Variants in DPY19L4 observed in about 807,000 individuals in gnomAD.
DPY19L4 encodes the protein dpy-19 like 4.
In DPY19L4, 97 loss-of-function variants were observed where a neutral mutation model predicts 102.8. The ratio of observed to expected loss-of-function variants is 0.94; its 90% CI spans 0.80 to 1.12. The LOEUF (loss-of-function observed/expected upper bound fraction) is 1.12. Among genes scored for constraint, DPY19L4 ranks in the 50% most tolerant of loss-of-function variants. DPY19L4 has a pLI of 0.00. For missense variants in DPY19L4, 815 were observed against 850.4 expected, an observed-to-expected ratio of 0.96 and a Z score of 0.52; for synonymous variants, 252 against 283.1, an observed-to-expected ratio of 0.89 and a Z score of 1.10.
intron 17 of DPY19L4, among the ~76,000 whole-genome samples, chr8:94,786,405 G>GT: frequency 6.6e-6 from 1 of 151,104 alleles, no homozygotes; most frequent in Middle Eastern, 3.4e-3. Flanking sequence ...GATTACAGGA[G>GT]TGAGCTACCA....
chr8:94,784,584 A>G (rs1223834555), intron 17 of DPY19L4, among the ~76,000 whole-genome samples: 1 of 152,116 alleles, frequency 6.6e-6, no homozygotes, highest in African/African-American at 2.4e-5. Flanking sequence ...ACCAGCCACC[A>G]TGACCAGTTA....
At chr8:94,775,508 G>T (rs1813138820) in intron 13 of DPY19L4, among the ~76,000 whole-genome samples, 2 of 152,264 alleles carry the variant, frequency 1.3e-5, no homozygotes, top group Admixed American at 1.3e-4. Context: ...AAATTCTTTT[G>T]TAGAGACAGG....
intron 6 of DPY19L4, among the ~76,000 whole-genome samples, chr8:94,745,327 G>A (rs1811625219): frequency 8.1e-6 from 1 of 122,704 alleles, no homozygotes; most frequent in Non-Finnish European, 1.6e-5. Flanking sequence ...GAAGCAATGT[G>A]GAAATTGTCT....
chr8:94,785,370 C>T (rs1813610669), intron 17 of DPY19L4, among the ~76,000 whole-genome samples: 1 of 152,140 alleles, frequency 6.6e-6, no homozygotes, highest in African/African-American at 2.4e-5. Context: ...AACAATTCCG[C>T]CTACAAAAGT....
intron 2 of DPY19L4, among the ~76,000 whole-genome samples, chr8:94,732,811 CTTTT>C (rs10624368): frequency 2.3e-5 from 3 of 128,084 alleles, no homozygotes; most frequent in East Asian, 2.3e-4. Flanking sequence ...CTTTTTCTTT[CTTTT>C]TTTTTTTTTT....
In DPY19L4 at chr8:94,739,535, G is replaced by A. The variant is rs1811343804; in HGVS notation, c.465+1G>A. Reference sequence around the variant, plus strand: ...TTTATATCAAGCCACTGGTAGCAATGTATGTATTTTTCGTTGGACCCTAAT... The same window carrying A: ...TTTATATCAAGCCACTGGTAGCAATATATGTATTTTTCGTTGGACCCTAAT... On this transcript the variant is annotated splice_donor_variant, in intron 5 of 18. Coordinates refer to ENST00000414645, the MANE Select transcript of DPY19L4 (RefSeq NM_181787.3). LOFTEE classifies it high-confidence loss of function. 2 of 1,599,578 alleles carry A rather than the reference G, an allele frequency of 1.3e-6. No homozygotes were observed. The highest frequency in any genetic ancestry group is 1.7e-6 in the Non-Finnish European group (2 of 1,176,012).
rs1468064059 is a variant in DPY19L4, at chr8:94,756,041, A to G, written c.617A>G (p.Asp206Gly). 1 of 1,610,312 alleles carries G rather than the reference A, an allele frequency of 6.2e-7. No individual in the cohort carries two copies. Among genetic ancestry groups the G allele is most frequent in the African/African-American group, 1.3e-5 (1 of 74,890 alleles). The change falls in exon 7 of 19, where the codon GAT becomes GGT. Residue 206 changes from aspartate (D) to glycine (G), a missense_variant. Physicochemically the swap from Asp to Gly is moderately conservative, Grantham distance 94 (BLOSUM62 -1). Transcript: ENST00000414645. ...TCATCTGTGGTTTATTTTAGGGTAGATACAACAAGAATTGAATACTCCATT... is the reference window on the plus strand; with the variant it reads ...TCATCTGTGGTTTATTTTAGGGTAGGTACAACAAGAATTGAATACTCCATT... The part of the protein sequence containing the change: ...TVAWFVINRV[D>G]TTRIEYSIPL...
intron 11 of DPY19L4, 69 bp from the exon 12 acceptor site, chr8:94,768,326 A>G: frequency 1.3e-6 from 1 of 795,326 alleles, no homozygotes; most frequent in East Asian, 3.6e-5. Flanking sequence ...TGCTGATATT[A>G]AAAAAAATAC....
intron 6 of DPY19L4, among the ~76,000 whole-genome samples, chr8:94,741,626 T>G (rs7017015): frequency 0.17 from 25,131 of 152,196 alleles, 2,141 homozygotes; most frequent in Admixed American, 0.22. Flanking sequence ...CTTATGGATT[T>G]TTATTGATTC....
At chr8:94,768,621 T>C in intron 12 of DPY19L4, 68 bp downstream of exon 12, 3 of 930,036 alleles carry the variant, frequency 3.2e-6, no homozygotes, top group Non-Finnish European at 4.5e-6. Flanking sequence ...TACTTATTTT[T>C]AATATTCTTC....
At chr8:94,749,555 G>A (rs1193825342) in intron 6 of DPY19L4, among the ~76,000 whole-genome samples, 2 of 152,098 alleles carry the variant, frequency 1.3e-5, no homozygotes, top group African/African-American at 2.4e-5. Flanking sequence ...CTCGATTGGC[G>A]AATAATTTAA....
intron 2 of DPY19L4, among the ~76,000 whole-genome samples, chr8:94,732,811 C>CTTTTTTTTTT (rs10624368): frequency 4.7e-5 from 6 of 128,104 alleles, no homozygotes; most frequent in Non-Finnish European, 6.4e-5. Context: ...CTTTTTCTTT[C>CTTTTTTTTTT]TTTTTTTTTT....
intron 11 of DPY19L4, 22 bp from the exon 12 acceptor site, chr8:94,768,373 T>C (rs922353988): frequency 3.8e-6 from 6 of 1,570,214 alleles, no homozygotes; most frequent in East Asian, 2.3e-5. Context: ...GAATTTAATA[T>C]CATACTTTTT....
At chr8:94,742,888 A>G (rs1027587438) in intron 6 of DPY19L4, among the ~76,000 whole-genome samples, 1 of 151,546 alleles carries the variant, frequency 6.6e-6, no homozygotes, top group Non-Finnish European at 1.5e-5. Flanking sequence ...ATTTTTTGGT[A>G]GAGTTGTGGT....
chr8:94,727,769 GTAGGT>G (rs1264891100), intron 2 of DPY19L4, among the ~76,000 whole-genome samples: 1 of 152,080 alleles, frequency 6.6e-6, no homozygotes, highest in Non-Finnish European at 1.5e-5. Context: ...GGCTGGTCAT[GTAGGT>G]ATCCTCTGCC....
chr8:94,759,550 A>G (rs1362212796), intron 7 of DPY19L4, among the ~76,000 whole-genome samples: 4 of 112,422 alleles, frequency 3.6e-5, no homozygotes, highest in South Asian at 2.7e-4. Flanking sequence ...CTTGTTGCCC[A>G]GGCTAGAGTG....
chr8:94,732,277 G>T (rs1040919064), intron 2 of DPY19L4, among the ~76,000 whole-genome samples: 8 of 151,964 alleles, frequency 5.3e-5, no homozygotes, highest in African/African-American at 1.9e-4. Flanking sequence ...GTAACAGAAC[G>T]CTGGGTTTTA....
At chr8:94,731,688 T>G (rs1453435314) in intron 2 of DPY19L4, among the ~76,000 whole-genome samples, 1 of 152,250 alleles carries the variant, frequency 6.6e-6, no homozygotes, top group East Asian at 1.9e-4. Context: ...AAAGCTGGGA[T>G]TACAGGTGTG....
intron 13 of DPY19L4, among the ~76,000 whole-genome samples, chr8:94,774,308 A>C (rs563818736): frequency 2.6e-5 from 4 of 151,644 alleles, no homozygotes; most frequent in African/African-American, 9.6e-5. Flanking sequence ...CAACCTCCCA[A>C]AGTGTTGGGA....
Sources: gnomAD v4.1 joint callset for allele counts (sites outside exome capture counted in the v4.1 genomes callset) on GRCh38, gnomAD v4.1.1 for gene constraint, MANE v1.5 for transcripts, NCBI Gene and HGNC (gene_info 2026-07-23, HGNC 2026-07-21) for gene names.